AKT3: variants seen among roughly 807,000 people sequenced by gnomAD.
The protein encoded by AKT3 is AKT serine/threonine kinase 3.
Under a neutral mutation model 65.3 loss-of-function variants are expected in AKT3, and 15 were observed. The observed-to-expected ratio is 0.23, with a 90% CI of 0.15 to 0.35. The LOEUF is 0.35. AKT3 is among the 10% of genes least tolerant of loss of function. AKT3 has a pLI of 1.00. For synonymous variants in AKT3, 206 were observed against 183.8 expected (o/e 1.12, Z -0.98); for missense variants, 243 against 576.5 (o/e 0.42, Z 5.92).
intron 2 of AKT3, among the ~76,000 whole-genome samples, chr1:243,772,608 C>T (rs1463732212): frequency 6.6e-6 from 1 of 152,192 alleles, no homozygotes; most frequent in African/African-American, 2.4e-5. Context: ...ACTGGTTCAA[C>T]CATTGTGGAA....
At chr1:243,643,549 T>C (rs1392831893) in intron 5 of AKT3, among the ~76,000 whole-genome samples, 2 of 152,262 alleles carry the variant, frequency 1.3e-5, no homozygotes, top group East Asian at 3.8e-4. Context: ...TTTCTTTTAA[T>C]TCAAACAAAG....
chr1:243,626,274 C>T (rs1007389339), intron 6 of AKT3, among the ~76,000 whole-genome samples: 3 of 152,034 alleles, frequency 2.0e-5, no homozygotes, highest in Admixed American at 6.6e-5. Context: ...AGATAGTCAA[C>T]GAAGTCCCAA....
At position 243,586,667 on chromosome 1, in the gene AKT3, C is replaced by G. The variant is rs532336954; in HGVS notation, c.697-13619G>C. On this transcript the variant is annotated intron_variant, in intron 8 of 13. Coordinates refer to ENST00000673466, the MANE Select transcript of AKT3 (RefSeq NM_005465.7). ...GCTTGCTCTTGCTTATAAGTAGGAG[C>G]TAATCAATTGGTACTCATGGACATA... is the stretch of plus-strand genomic sequence containing the variant. 1.1e-4 allele frequency among the ~76,000 whole-genome samples: 17 copies of G among 152,042 alleles called. No homozygotes were observed. In the East Asian group the frequency reaches 3.3e-3, roughly 29 times the overall value.
intron 2 of AKT3, among the ~76,000 whole-genome samples, chr1:243,789,665 T>C (rs1558812286): frequency 6.6e-6 from 1 of 152,228 alleles, no homozygotes; most frequent in Non-Finnish European, 1.5e-5. Context: ...GCATCTAGAA[T>C]GGTGAGTCCT....
chr1:243,762,475 A>G (rs980114783), intron 2 of AKT3, among the ~76,000 whole-genome samples: 1 of 152,060 alleles, frequency 6.6e-6, no homozygotes, highest in Non-Finnish European at 1.5e-5. Context: ...AAGCATCCAA[A>G]AACTGTTTCT....
chr1:243,724,290 C>T (rs2148123447), intron 2 of AKT3, among the ~76,000 whole-genome samples: 1 of 151,260 alleles, frequency 6.6e-6, no homozygotes, highest in African/African-American at 2.4e-5. Flanking sequence ...CTACCCGTTA[C>T]TGAGTATGCA....
chr1:243,558,170 C>A (rs1673532632), intron 10 of AKT3, among the ~76,000 whole-genome samples: 1 of 152,066 alleles, frequency 6.6e-6, no homozygotes, highest in Non-Finnish European at 1.5e-5. Flanking sequence ...CTGTTTAATA[C>A]ATTTCAAGCA....
chr1:243,717,854 C>T (rs1267676809), intron 2 of AKT3, among the ~76,000 whole-genome samples: 1 of 152,150 alleles, frequency 6.6e-6, no homozygotes, highest in African/African-American at 2.4e-5. Flanking sequence ...ACTTCAAGTC[C>T]AGCTAATTTC....
intron 2 of AKT3, among the ~76,000 whole-genome samples, chr1:243,756,948 C>T (rs1689176038): frequency 6.6e-6 from 1 of 152,090 alleles, no homozygotes; most frequent in African/African-American, 2.4e-5. Flanking sequence ...AAATGTATAA[C>T]CTACATCTAA....
chr1:243,733,514 T>C (rs1314754467), intron 2 of AKT3, among the ~76,000 whole-genome samples: 1 of 152,070 alleles, frequency 6.6e-6, no homozygotes, highest in Non-Finnish European at 1.5e-5. Flanking sequence ...ACAAAAACAA[T>C]ATTAAGTGAA....
chr1:243,672,163 G>A (rs1683197897), intron 3 of AKT3, among the ~76,000 whole-genome samples: 1 of 152,210 alleles, frequency 6.6e-6, no homozygotes, highest in South Asian at 2.1e-4. Context: ...TTATCCCCTA[G>A]CAGGATGCTG....
chr1:243,838,308 C>A (rs1695024514), intron 2 of AKT3, among the ~76,000 whole-genome samples: 1 of 151,940 alleles, frequency 6.6e-6, no homozygotes, highest in Non-Finnish European at 1.5e-5. Flanking sequence ...CCATGTATAA[C>A]CTCAACAGTC....
At chr1:243,761,291 G>C (rs1319300301) in intron 2 of AKT3, among the ~76,000 whole-genome samples, 1 of 152,112 alleles carries the variant, frequency 6.6e-6, no homozygotes, top group Non-Finnish European at 1.5e-5. Flanking sequence ...AACAAATTTT[G>C]AGAACTGAAA....
intron 2 of AKT3, among the ~76,000 whole-genome samples, chr1:243,800,909 G>T (rs1692342775): frequency 6.6e-6 from 1 of 152,078 alleles, no homozygotes; most frequent in Non-Finnish European, 1.5e-5. Flanking sequence ...TCCAGTTAAT[G>T]AAAACCTAGC....
chr1:243,493,815 A>C (rs776057673), intron 13 of AKT3, among the ~76,000 whole-genome samples: 4 of 151,978 alleles, frequency 2.6e-5, no homozygotes, highest in Non-Finnish European at 4.4e-5. Flanking sequence ...AAGAGAGCCG[A>C]AAACAAGCAG....
At chr1:243,744,261 C>T (rs1688337200) in intron 2 of AKT3, among the ~76,000 whole-genome samples, 2 of 152,074 alleles carry the variant, frequency 1.3e-5, no homozygotes, top group African/African-American at 4.8e-5. Flanking sequence ...TAGAAGTCAT[C>T]CTGTTTGCTT....
At chr1:243,793,284 T>C (rs1691745961) in intron 2 of AKT3, 1 of 152,144 alleles carries the variant, frequency 6.6e-6, no homozygotes, top group African/African-American at 2.4e-5. Context: ...GGACAGGGTC[T>C]CACTATGTTG....
At chr1:243,522,461 T>C (rs2148389328) in intron 12 of AKT3, among the ~76,000 whole-genome samples, 1 of 152,232 alleles carries the variant, frequency 6.6e-6, no homozygotes, top group East Asian at 1.9e-4. Context: ...AGTTCAAGAC[T>C]AGCCTGAGTA....
At chr1:243,494,815 C>T (rs1667397819), downstream of AKT3, among the ~76,000 whole-genome samples, 1 of 152,200 alleles carries the variant, frequency 6.6e-6, no homozygotes, top group African/African-American at 2.4e-5. Flanking sequence ...ATATTTTAAT[C>T]CAATTAGACA....
Sources: allele counts gnomAD v4.1 joint callset (sites outside exome capture counted in the v4.1 genomes callset), GRCh38; gene constraint gnomAD v4.1.1; transcripts MANE v1.5; gene names NCBI Gene and HGNC (gene_info 2026-07-23, HGNC 2026-07-21).